GULP1: variants seen among roughly 807,000 people sequenced by gnomAD.
The protein encoded by GULP1 is GULP PTB domain containing engulfment adaptor 1, also known as PTB domain-containing engulfment adapter protein 1.
Under a neutral mutation model 40.9 loss-of-function variants are expected in GULP1, and 19 were observed. That is an observed-to-expected ratio of 0.46 (90% confidence interval 0.32 to 0.68). The LOEUF is 0.68. Ranked by LOEUF, GULP1 falls within the 30% of genes least tolerant of loss-of-function variation. The pLI, the probability that GULP1 is intolerant of heterozygous loss-of-function variation, is 0.03. For missense variants in GULP1, 312 were observed against 362.2 expected (o/e 0.86, Z 1.12); for synonymous variants, 119 against 117.6 (o/e 1.01, Z -0.08).
chr2:188,483,106 G>A (rs1430315804), intron 3 of GULP1, among the ~76,000 whole-genome samples: 2 of 151,932 alleles, frequency 1.3e-5, no homozygotes, highest in Non-Finnish European at 2.9e-5. Context: ...AGTGAAAGAA[G>A]AAAGATACTT....
In GULP1 at chr2:188,587,883, T is replaced by C; in HGVS notation, c.777T>C (p.Phe259=). Residue 259 remains phenylalanine (F), a synonymous_variant, in exon 11 of 12, where the codon TTT becomes TTC. Transcript: ENST00000409830. ...IKRDLFGAEP[F]DPFNCGAADF... ...GGGACCTGTTTGGAGCAGAACCTTT[T>C]GACCCATTTAACTGTGGAGCAGCAG... is the stretch of plus-strand genomic sequence containing the variant. 1 of 1,609,986 alleles carries C rather than the reference T, an allele frequency of 6.2e-7. No homozygotes were observed. The highest frequency in any genetic ancestry group is 8.5e-7 in the Non-Finnish European group (1 of 1,176,350).
In GULP1 at chr2:188,428,164, G is replaced by A. The variant is rs193290338; in HGVS notation, c.-45+44275G>A. On this transcript the variant is annotated intron_variant, in intron 2 of 11. Coordinates refer to ENST00000409830, the MANE Select transcript of GULP1 (RefSeq NM_016315.4). ...TCAATTTCTCCCTTTCGGAATGGGG[G>A]TATTTACCCAATGCCTGTATCCCCA... Among the ~76,000 whole-genome samples, 10 of 152,334 alleles carry A rather than the reference G, an allele frequency of 6.6e-5. No individual in the cohort carries two copies. The East Asian group carries it at 1.4e-3, about 21-fold the overall frequency.
At chr2:188,309,053 C>T (rs2037623274) in intron 1 of GULP1, among the ~76,000 whole-genome samples, 1 of 152,148 alleles carries the variant, frequency 6.6e-6, no homozygotes, top group South Asian at 2.1e-4. Context: ...CCATAGTTAA[C>T]ATTTATATTG....
At chr2:188,501,035 A>G (rs1001591406) in intron 4 of GULP1, among the ~76,000 whole-genome samples, 11 of 151,930 alleles carry the variant, frequency 7.2e-5, no homozygotes, top group African/African-American at 2.7e-4. Context: ...TGTAGTTATA[A>G]TGACCCTATA....
chr2:188,339,543 T>G (rs1218719053), intron 1 of GULP1, among the ~76,000 whole-genome samples: 1 of 152,196 alleles, frequency 6.6e-6, no homozygotes, highest in African/African-American at 2.4e-5. Context: ...AGGTTGGAAA[T>G]GCACATTTGT....
chr2:188,587,106 AT>A (rs1702549208), intron 10 of GULP1, among the ~76,000 whole-genome samples: 1 of 152,002 alleles, frequency 6.6e-6, no homozygotes, highest in African/African-American at 2.4e-5. Flanking sequence ...TTTCTTAAGA[AT>A]TTTTTATTTT....
chr2:188,389,573 C>A (rs756905636), intron 2 of GULP1, among the ~76,000 whole-genome samples: 2 of 151,916 alleles, frequency 1.3e-5, no homozygotes, highest in Non-Finnish European at 1.5e-5. Flanking sequence ...CCTAGAGGTA[C>A]CTTATATATT....
intron 2 of GULP1, among the ~76,000 whole-genome samples, chr2:188,467,362 T>A (rs2060212363): frequency 6.6e-6 from 1 of 152,202 alleles, no homozygotes; most frequent in African/African-American, 2.4e-5. Context: ...ACTTACAGTT[T>A]GAGATTTTTC....
At chr2:188,331,223 ATC>A in intron 1 of GULP1, among the ~76,000 whole-genome samples, 1 of 152,164 alleles carries the variant, frequency 6.6e-6, no homozygotes, top group East Asian at 1.9e-4. Flanking sequence ...CTTAGAAATA[ATC>A]TCTTTCAGCC....
intron 9 of GULP1, among the ~76,000 whole-genome samples, chr2:188,578,598 A>C (rs1366417503): frequency 1.3e-5 from 2 of 152,022 alleles, no homozygotes; most frequent in Non-Finnish European, 2.9e-5. Flanking sequence ...AAACATGGAC[A>C]CTCATTATTA....
At chr2:188,573,989 A>G (rs1188459221) in intron 9 of GULP1, among the ~76,000 whole-genome samples, 1 of 152,224 alleles carries the variant, frequency 6.6e-6, no homozygotes, top group Admixed American at 6.5e-5. Flanking sequence ...ATTGAGGTGT[A>G]GTTCTTTATA....
At chr2:188,556,206 C>T (rs1483269433) in intron 7 of GULP1, among the ~76,000 whole-genome samples, 1 of 152,104 alleles carries the variant, frequency 6.6e-6, no homozygotes, top group Non-Finnish European at 1.5e-5. Flanking sequence ...TCATAAATGT[C>T]GTGAAGGCTT....
chr2:188,576,539 T>C (rs1242397762), intron 9 of GULP1, among the ~76,000 whole-genome samples: 1 of 152,194 alleles, frequency 6.6e-6, no homozygotes, highest in Non-Finnish European at 1.5e-5. Context: ...TTGATATGAA[T>C]ATATAACACT....
At chr2:188,319,942 A>G (rs187346853) in intron 1 of GULP1, among the ~76,000 whole-genome samples, 32 of 152,150 alleles carry the variant, frequency 2.1e-4, no homozygotes, top group Non-Finnish European at 3.5e-4. Flanking sequence ...AGTCTTGGCA[A>G]TATTGACATT....
chr2:188,570,165 A>G (rs904193397), intron 9 of GULP1, 45 bp downstream of exon 9: 1 of 801,880 alleles, frequency 1.2e-6, no homozygotes, highest in Non-Finnish European at 2.1e-6. Context: ...TATGGTGATA[A>G]AACATCTGTG....
chr2:188,432,042 A>G (rs1439206438), intron 2 of GULP1, among the ~76,000 whole-genome samples: 1 of 151,622 alleles, frequency 6.6e-6, no homozygotes, highest in East Asian at 1.9e-4. Context: ...TTATATAGGA[A>G]CTAGAATTTT....
intron 4 of GULP1, among the ~76,000 whole-genome samples, chr2:188,494,266 A>G (rs1183315940): frequency 6.6e-6 from 1 of 152,038 alleles, no homozygotes; most frequent in Non-Finnish European, 1.5e-5. Flanking sequence ...CTCATTAAAC[A>G]TTCAGACTTC....
intron 1 of GULP1, among the ~76,000 whole-genome samples, chr2:188,305,105 G>A (rs530014990): frequency 6.6e-6 from 1 of 152,048 alleles, no homozygotes; most frequent in Non-Finnish European, 1.5e-5. Context: ...GAGTTCCCAC[G>A]ATCCCCTCTT....
intron 1 of GULP1, among the ~76,000 whole-genome samples, chr2:188,341,708 G>T (rs1393456826): frequency 6.6e-6 from 1 of 152,104 alleles, no homozygotes; most frequent in East Asian, 1.9e-4. Context: ...GCCAAGAAAT[G>T]TACAGTTTTT....
Sources: gnomAD v4.1 joint callset for allele counts (sites outside exome capture counted in the v4.1 genomes callset) on GRCh38, gnomAD v4.1.1 for gene constraint, MANE v1.5 for transcripts, NCBI Gene and HGNC (gene_info 2026-07-23, HGNC 2026-07-21) for gene names.